The following TTC7B variants were observed in gnomAD, a reference collection of about 807,000 sequenced individuals.
TTC7B encodes tetratricopeptide repeat domain 7B.
In TTC7B, 28 loss-of-function variants were observed where a neutral mutation model predicts 106.8. The ratio of observed to expected loss-of-function variants is 0.26; its 90% CI spans 0.19 to 0.36. TTC7B has a LOEUF of 0.36. TTC7B is among the 10% of genes least tolerant of loss of function. The probability of loss-of-function intolerance (pLI) is 1.00; values close to 1 mark genes in which losing one functional copy is unlikely to be tolerated. For synonymous variants in TTC7B, 405 were observed against 430.6 expected, an observed-to-expected ratio of 0.94 and a Z score of 0.74; for missense variants, 862 against 1,076.4, an observed-to-expected ratio of 0.80 and a Z score of 2.79.
intron 13 of TTC7B, chr14:90,648,946 TC>T (rs1885595099): frequency 1.3e-5 from 2 of 152,200 alleles, no homozygotes; most frequent in African/African-American, 4.8e-5. Context: ...CACGAATAAA[TC>T]AAGTCATGGT....
At position 90,717,195 on chromosome 14, in the gene TTC7B, C is replaced by T. The variant is rs903937215; in HGVS notation, c.698+12880G>A. On this transcript the variant is annotated intron_variant, in intron 5 of 19. Coordinates refer to ENST00000328459, the MANE Select transcript of TTC7B (RefSeq NM_001010854.2). ...TCTACTAAAAATACAAAAAATTAGCCGGGCATGGTGGCGGGCGCCTGTAGT... is the reference window on the plus strand; with the variant it reads ...TCTACTAAAAATACAAAAAATTAGCTGGGCATGGTGGCGGGCGCCTGTAGT... Among the ~76,000 whole-genome samples the T allele has an allele frequency of 5.3e-5, 8 of 152,010 alleles. No individual in the cohort carries two copies. In the East Asian group the frequency reaches 5.8e-4, roughly 11 times the overall value.
At chr14:90,758,479 G>A (rs1222506754) in intron 3 of TTC7B, among the ~76,000 whole-genome samples, 1 of 151,130 alleles carries the variant, frequency 6.6e-6, no homozygotes, top group African/African-American at 2.4e-5. Flanking sequence ...GCGGGGCAGG[G>A]GGGGCACGGT....
intron 15 of TTC7B, among the ~76,000 whole-genome samples, chr14:90,635,481 C>T (rs1884891079): frequency 6.6e-6 from 1 of 151,966 alleles, no homozygotes; most frequent in Non-Finnish European, 1.5e-5. Context: ...TATATATAGG[C>T]CGGGCGCAGT....
chr14:90,709,402 T>C (rs1225551735), intron 5 of TTC7B, among the ~76,000 whole-genome samples: 1 of 151,136 alleles, frequency 6.6e-6, no homozygotes, highest in Non-Finnish European at 1.5e-5. Flanking sequence ...TGGATGAAGC[T>C]GGAAACCATC....
chr14:90,617,791 T>C, intron 16 of TTC7B, 138 bp downstream of exon 16: 1 of 677,010 alleles, frequency 1.5e-6, no homozygotes, highest in South Asian at 1.8e-5. Flanking sequence ...GCTCCACTGC[T>C]ATCATCTGCC....
intron 4 of TTC7B, among the ~76,000 whole-genome samples, chr14:90,739,191 C>A (rs1889663758): frequency 6.6e-6 from 1 of 152,192 alleles, no homozygotes; most frequent in Non-Finnish European, 1.5e-5. Context: ...AGCAGAAGCA[C>A]CTGCCTAGCC....
intron 18 of TTC7B, among the ~76,000 whole-genome samples, chr14:90,580,975 C>T (rs2139808215): frequency 6.6e-6 from 1 of 152,294 alleles, no homozygotes; most frequent in East Asian, 1.9e-4. Flanking sequence ...ATCAGCCTGG[C>T]CGGTCCCTCC....
At chr14:90,778,097 C>T (rs545837796) in intron 3 of TTC7B, among the ~76,000 whole-genome samples, 98 of 152,320 alleles carry the variant, frequency 6.4e-4, no homozygotes, top group African/African-American at 2.3e-3. Context: ...CACTGTCTCT[C>T]ACCTGGCCCA....
rs1890416900 is a variant in TTC7B at position 90,759,155 on chromosome 14, C to T, written c.446-14233G>A. ...TCTTCTGTCCCACTCCGACCCACTC[C>T]GGAGAGCCACGCTCTGAGCCGCACA... On this transcript the variant is annotated intron_variant, in intron 3 of 19. Transcript: ENST00000328459. The surrounding 1 kb of genome is among the most constrained non-coding windows in gnomAD (Gnocchi z 4.1). Among the ~76,000 whole-genome samples, 2 of 152,152 alleles carry T rather than the reference C, an allele frequency of 1.3e-5. No homozygotes were observed. Among genetic ancestry groups the T allele is most frequent in the Admixed American group, 1.3e-4 (2 of 15,276 alleles).
intron 3 of TTC7B, among the ~76,000 whole-genome samples, chr14:90,765,433 T>C (rs946877167): frequency 9.8e-5 from 15 of 152,302 alleles, no homozygotes; most frequent in African/African-American, 3.6e-4. Flanking sequence ...ACCCACTGAA[T>C]TGTACACTTT....
intron 5 of TTC7B, among the ~76,000 whole-genome samples, chr14:90,718,080 A>C (rs1384714145): frequency 6.6e-6 from 1 of 152,246 alleles, no homozygotes; most frequent in Non-Finnish European, 1.5e-5. Context: ...GGCCACACTT[A>C]AACTCTCTTG....
chr14:90,775,574 A>G (rs537001770), intron 3 of TTC7B, among the ~76,000 whole-genome samples: 1 of 152,160 alleles, frequency 6.6e-6, no homozygotes, highest in South Asian at 2.1e-4. Context: ...ATGGTGCTTT[A>G]CACCTGGGCA....
chr14:90,784,242 T>A (rs992827513), intron 2 of TTC7B, among the ~76,000 whole-genome samples: 1 of 152,092 alleles, frequency 6.6e-6, no homozygotes, highest in African/African-American at 2.4e-5. Context: ...TCCACCTGTG[T>A]CATCATGTCA....
intron 18 of TTC7B, among the ~76,000 whole-genome samples, chr14:90,586,074 G>C (rs1268109884): frequency 6.6e-6 from 1 of 152,198 alleles, no homozygotes; most frequent in Admixed American, 6.5e-5. Flanking sequence ...AGTGGGAGTG[G>C]GAATAGCTTG....
intron 6 of TTC7B, among the ~76,000 whole-genome samples, chr14:90,694,572 T>C (rs933387360): frequency 1.3e-5 from 2 of 149,002 alleles, no homozygotes; most frequent in East Asian, 3.9e-4. Context: ...CAGTGACATA[T>C]ATGTATAATA....
chr14:90,656,103 T>G (rs1034182396), intron 11 of TTC7B, among the ~76,000 whole-genome samples: 1 of 152,190 alleles, frequency 6.6e-6, no homozygotes, highest in Non-Finnish European at 1.5e-5. Flanking sequence ...CACAGCTGTG[T>G]GTTTCAGGTG....
intron 3 of TTC7B, chr14:90,766,559 A>G (rs1490003575): frequency 4.7e-5 from 37 of 785,746 alleles, no homozygotes; most frequent in Non-Finnish European, 7.6e-5. Context: ...GAAAAGTTCC[A>G]GCATATTTTG....
intron 12 of TTC7B, among the ~76,000 whole-genome samples, chr14:90,653,199 T>C (rs542316098): frequency 3.2e-4 from 48 of 152,264 alleles, no homozygotes; most frequent in African/African-American, 1.2e-3. Flanking sequence ...AGTTGGGAAC[T>C]CCAGAAGGAG....
At chr14:90,756,242 C>T (rs1422898605) in intron 3 of TTC7B, among the ~76,000 whole-genome samples, 1 of 152,184 alleles carries the variant, frequency 6.6e-6, no homozygotes, top group East Asian at 1.9e-4. Flanking sequence ...TCTCACTAGG[C>T]ACCAACTGCG....
Sources: gnomAD v4.1 joint callset for allele counts (sites outside exome capture counted in the v4.1 genomes callset) on GRCh38, gnomAD v4.1.1 for gene constraint, Gnocchi (gnomAD v3.1) non-coding constraint, MANE v1.5 for transcripts, NCBI Gene and HGNC (gene_info 2026-07-23, HGNC 2026-07-21) for gene names.